NPAS3: variants seen among roughly 807,000 people sequenced by gnomAD.
NPAS3 encodes the protein neuronal PAS domain-containing protein 3.
In NPAS3, 14 loss-of-function variants were observed where a neutral mutation model predicts 73.1. The observed-to-expected ratio is 0.19, with a 90% CI of 0.13 to 0.30. The LOEUF (loss-of-function observed/expected upper bound fraction) is 0.30. Ranked by LOEUF, NPAS3 falls within the 10% of genes least tolerant of loss-of-function variation. The pLI is 1.00. For synonymous variants in NPAS3, 620 were observed against 541.5 expected (o/e 1.14, Z -2.01); for missense variants, 1,096 against 1,250.0 (o/e 0.88, Z 1.86).
chr14:33,467,040 G>A (rs989993375), intron 4 of NPAS3, among the ~76,000 whole-genome samples: 5 of 152,190 alleles, frequency 3.3e-5, no homozygotes, highest in Non-Finnish European at 5.9e-5. Flanking sequence ...TACTAAATCT[G>A]TCTGTGAGTG....
chr14:33,421,044 G>A (rs2048341616), intron 4 of NPAS3, among the ~76,000 whole-genome samples: 2 of 151,868 alleles, frequency 1.3e-5, no homozygotes, highest in Admixed American at 1.3e-4. Flanking sequence ...TTACTTTGTT[G>A]TTAAAATTGA....
chr14:33,797,710 C>T, intron 11 of NPAS3, 129 bp downstream of exon 11: 2 of 864,634 alleles, frequency 2.3e-6, no homozygotes. Flanking sequence ...TATGTCACAT[C>T]AAGTTATTAC....
chr14:33,563,386 G>A (rs1225849572), intron 5 of NPAS3, among the ~76,000 whole-genome samples: 1 of 152,018 alleles, frequency 6.6e-6, no homozygotes, highest in Non-Finnish European at 1.5e-5. Context: ...AGCTCCTGGT[G>A]TCCAGGGCAT....
intron 4 of NPAS3, among the ~76,000 whole-genome samples, chr14:33,540,544 C>T (rs1007276810): frequency 1.6e-4 from 24 of 152,148 alleles, no homozygotes; most frequent in Admixed American, 4.6e-4. Context: ...TAACTTATTC[C>T]TGGCTACAAC....
chr14:33,076,957 CTT>C (rs1489333002), intron 2 of NPAS3, among the ~76,000 whole-genome samples: 1 of 152,010 alleles, frequency 6.6e-6, no homozygotes, highest in African/African-American at 2.4e-5. Context: ...ATATCCAGGA[CTT>C]TGTGAGGCTT....
intron 4 of NPAS3, among the ~76,000 whole-genome samples, chr14:33,403,899 T>C (rs149075734): frequency 1.5e-3 from 225 of 152,230 alleles, no homozygotes; most frequent in African/African-American, 5.2e-3. Context: ...ATAAGAACTA[T>C]AAATTAAAAT....
At chr14:33,087,162 ATTGTATAAT>A in intron 2 of NPAS3, among the ~76,000 whole-genome samples, 1 of 99,894 alleles carries the variant, frequency 1.0e-5, no homozygotes, top group Non-Finnish European at 1.9e-5. Flanking sequence ...ACAATATAAT[ATTGTATAAT>A]ATATAGTATA....
intron 6 of NPAS3, among the ~76,000 whole-genome samples, chr14:33,705,171 A>G (rs557877070): frequency 4.8e-4 from 73 of 152,244 alleles, no homozygotes; most frequent in Non-Finnish European, 8.8e-4. Context: ...AGGTACAACA[A>G]TACAGATAAA....
chr14:33,643,076 C>T (rs1422106488), intron 5 of NPAS3, among the ~76,000 whole-genome samples: 2 of 152,084 alleles, frequency 1.3e-5, no homozygotes, highest in East Asian at 1.9e-4. Flanking sequence ...CTTGTTAATG[C>T]TCTGATCTCA....
At chr14:33,601,063 GGCTAGC>G (rs2057386209) in intron 5 of NPAS3, among the ~76,000 whole-genome samples, 2 of 152,064 alleles carry the variant, frequency 1.3e-5, no homozygotes, top group Non-Finnish European at 2.9e-5. Context: ...TGACCCCATT[GGCTAGC>G]ACCCAGAGAG....
At chr14:33,446,261 C>G (rs993638847) in intron 4 of NPAS3, among the ~76,000 whole-genome samples, 1 of 149,774 alleles carries the variant, frequency 6.7e-6, no homozygotes, top group East Asian at 2.0e-4. Flanking sequence ...CTGCAAGCTC[C>G]GCTTCCCGGG....
chr14:33,729,835 GA>G (rs2061358390), intron 6 of NPAS3, among the ~76,000 whole-genome samples: 1 of 152,124 alleles, frequency 6.6e-6, no homozygotes, highest in African/African-American at 2.4e-5. Flanking sequence ...CCACCTTTTA[GA>G]AGGAGGAGTT....
Position 33,104,000 on chromosome 14 carries a change from C to T in NPAS3, c.140+48006C>T, listed in dbSNP as rs371181866. Among the ~76,000 whole-genome samples, 397 of 152,148 alleles carry T rather than the reference C, an allele frequency of 2.6e-3. 2 individuals carry two copies. The highest frequency in any genetic ancestry group is 5.3e-3 in the African/African-American group (222 of 41,504). On this transcript the variant is annotated intron_variant, in intron 2 of 11. Coordinates refer to ENST00000356141, the Ensembl canonical transcript of NPAS3. The stretch of plus-strand genomic sequence containing the variant: ...AAATATGCTGTTGACAAAAAGAGCT[C>T]ACGTTTACCCCTAAAAGCTTATGGC...
chr14:33,609,754 C>G (rs2057692683), intron 5 of NPAS3, among the ~76,000 whole-genome samples: 1 of 152,028 alleles, frequency 6.6e-6, no homozygotes, highest in African/African-American at 2.4e-5. Context: ...TTTCATCTTT[C>G]CCCTTTCTTC....
At chr14:33,697,016 G>GC (rs1158209098) in intron 6 of NPAS3, among the ~76,000 whole-genome samples, 2 of 152,130 alleles carry the variant, frequency 1.3e-5, no homozygotes, top group African/African-American at 4.8e-5. Context: ...TCAGTGATGG[G>GC]CCTTTTCTGA....
intron 3 of NPAS3, among the ~76,000 whole-genome samples, chr14:33,328,224 G>C (rs563192778): frequency 6.6e-6 from 1 of 151,954 alleles, no homozygotes; most frequent in Non-Finnish European, 1.5e-5. Flanking sequence ...CAAGGGATCC[G>C]AGCATGGTTC....
At chr14:33,040,170 ACT>A (rs1275611709) in intron 1 of NPAS3, among the ~76,000 whole-genome samples, 2 of 152,030 alleles carry the variant, frequency 1.3e-5, no homozygotes, top group East Asian at 1.9e-4. Flanking sequence ...CCTTTTGATC[ACT>A]CTGTAACTGA....
At chr14:33,570,203 A>C (rs764632835) in intron 5 of NPAS3, among the ~76,000 whole-genome samples, 18 of 152,226 alleles carry the variant, frequency 1.2e-4, no homozygotes, top group Non-Finnish European at 2.6e-4. Context: ...GGAAAATGAG[A>C]TTCTTTTGGC....
At chr14:33,738,317 C>G (rs150630986) in intron 7 of NPAS3, among the ~76,000 whole-genome samples, 76 of 152,294 alleles carry the variant, frequency 5.0e-4, no homozygotes, top group African/African-American at 1.6e-3. Flanking sequence ...TGCTTCACTG[C>G]TTAAAGGATT....
Sources: allele counts gnomAD v4.1 joint callset (sites outside exome capture counted in the v4.1 genomes callset), GRCh38; gene constraint gnomAD v4.1.1; transcripts MANE v1.5; gene names NCBI Gene and HGNC (gene_info 2026-07-23, HGNC 2026-07-21).